TXLNB: variants seen among roughly 807,000 people sequenced by gnomAD.
TXLNB encodes taxilin beta.
Under a neutral mutation model 57.4 loss-of-function variants are expected in TXLNB, and 37 were observed. The observed-to-expected ratio is 0.64, with a 90% CI of 0.50 to 0.85. TXLNB has a LOEUF of 0.85. Ranked by LOEUF, TXLNB falls within the 40% of genes least tolerant of loss-of-function variation. The probability of loss-of-function intolerance (pLI) is 0.00; values close to 1 mark genes in which losing one functional copy is unlikely to be tolerated. For missense variants in TXLNB, 848 were observed against 825.6 expected, an observed-to-expected ratio of 1.03 and a Z score of -0.33; for synonymous variants, 302 against 309.6, an observed-to-expected ratio of 0.98 and a Z score of 0.26.
At chr6:139,175,645 T>G in the TXLNB span, among the ~76,000 whole-genome samples, 18,856 of 152,232 alleles carry the variant, frequency 0.12, 1,482 homozygotes, top group Non-Finnish European at 0.17. Flanking sequence ...ACCTCCTTAT[T>G]TCCTCATACA....
intron 4 of TXLNB, among the ~76,000 whole-genome samples, chr6:139,264,708 C>T (rs529040204): frequency 2.6e-5 from 4 of 152,180 alleles, no homozygotes; most frequent in Admixed American, 2.6e-4. Context: ...TACAGGCACG[C>T]ATCACCAAGC....
At chr6:139,188,843 C>G in the TXLNB span, among the ~76,000 whole-genome samples, 2 of 152,190 alleles carry the variant, frequency 1.3e-5, no homozygotes, top group Non-Finnish European at 2.9e-5. Context: ...CAACCTCCAC[C>G]TCCAGGGTTC....
chr6:139,197,162 T>C, the TXLNB span, among the ~76,000 whole-genome samples: 7 of 152,194 alleles, frequency 4.6e-5, no homozygotes, highest in South Asian at 2.1e-4. Flanking sequence ...CACACTCTTA[T>C]AGAGTTTTAC....
At chr6:139,256,659 C>T (rs865932757) in intron 6 of TXLNB, among the ~76,000 whole-genome samples, 6 of 152,250 alleles carry the variant, frequency 3.9e-5, no homozygotes, top group South Asian at 2.1e-4. Flanking sequence ...CATCCAGAAT[C>T]ATTCTCCTAG....
the TXLNB span, among the ~76,000 whole-genome samples, chr6:139,212,216 C>G: frequency 8.6e-5 from 13 of 151,920 alleles, no homozygotes; most frequent in African/African-American, 2.9e-4. Context: ...AAATGTTAAG[C>G]GCAGCCAGAG....
downstream of TXLNB, among the ~76,000 whole-genome samples, chr6:139,236,148 G>A (rs774583479): frequency 2.6e-5 from 4 of 152,056 alleles, no homozygotes; most frequent in Admixed American, 6.6e-5. Flanking sequence ...AATTTTTCTG[G>A]TACACTAAGG....
chr6:139,283,023 G>A (rs1333914453), intron 2 of TXLNB: 1 of 145,514 alleles, frequency 6.9e-6, no homozygotes, highest in Non-Finnish European at 1.5e-5. Context: ...ATGCGAGTAG[G>A]AGAACAAAGG....
At chr6:139,192,562 A>G in the TXLNB span, among the ~76,000 whole-genome samples, 39 of 152,306 alleles carry the variant, frequency 2.6e-4, no homozygotes, top group African/African-American at 9.1e-4. Context: ...GTCACATAGG[A>G]GATACTCAAG....
At chr6:139,174,627 G>A in the TXLNB span, 1 of 1,532,778 alleles carries the variant, frequency 6.5e-7, no homozygotes. Context: ...TGGCAATAAA[G>A]AAGAAATTCA....
At chr6:139,309,090 G>A in the TXLNB span, among the ~76,000 whole-genome samples, 1 of 152,180 alleles carries the variant, frequency 6.6e-6, no homozygotes, top group Non-Finnish European at 1.5e-5. Context: ...TTTGAATCTG[G>A]GCAGTTATGC....
the TXLNB span, among the ~76,000 whole-genome samples, chr6:139,301,478 A>C: frequency 1.3e-5 from 2 of 152,210 alleles, no homozygotes; most frequent in East Asian, 1.9e-4. Flanking sequence ...CTTCCTATGA[A>C]GTCCCCATAA....
chr6:139,222,035 T>A, the TXLNB span, among the ~76,000 whole-genome samples: 2 of 151,676 alleles, frequency 1.3e-5, no homozygotes, highest in Admixed American at 1.3e-4. Context: ...TCCAAAAAAA[T>A]TTAAAAAGAA....
intron 2 of TXLNB, among the ~76,000 whole-genome samples, chr6:139,279,148 G>A (rs1275629450): frequency 6.6e-6 from 1 of 152,238 alleles, no homozygotes; most frequent in Admixed American, 6.5e-5. Flanking sequence ...CTCAGTGTGT[G>A]TACCGACATG....
At chr6:139,207,946 C>A in the TXLNB span, among the ~76,000 whole-genome samples, 22 of 152,058 alleles carry the variant, frequency 1.4e-4, 1 homozygote, top group Middle Eastern at 6.4e-3. Context: ...CATGGTGGTG[C>A]GCACCTATAA....
chr6:139,257,289 C>G (rs1354326470), intron 6 of TXLNB, among the ~76,000 whole-genome samples: 6 of 152,118 alleles, frequency 3.9e-5, no homozygotes, highest in Non-Finnish European at 4.4e-5. Flanking sequence ...CACTTCCCCC[C>G]AGTCTTTTAT....
chr6:139,317,403 T>TG, the TXLNB span, among the ~76,000 whole-genome samples: 289 of 151,538 alleles, frequency 1.9e-3, 15 homozygotes, highest in South Asian at 0.056. Context: ...GACAGAGGTT[T>TG]TTTTTTTTTT....
chr6:139,246,053 C>A (rs1776059519), intron 8 of TXLNB, among the ~76,000 whole-genome samples: 1 of 150,252 alleles, frequency 6.7e-6, no homozygotes, highest in Non-Finnish European at 1.5e-5. Context: ...GCTATGGGAC[C>A]ACACTTCACA....
At position 139,242,671 on chromosome 6, in the gene TXLNB, G is replaced by A. The variant is rs1475647821; in HGVS notation, c.1910C>T (p.Ala637Val). Residue 637 changes from alanine (A) to valine (V), a missense_variant, in exon 10 of 10, where the codon GCA becomes GTA. Ala to Val is a moderately conservative substitution (Grantham distance 64). Coordinates refer to ENST00000358430, the MANE Select transcript of TXLNB (RefSeq NM_153235.4). ...EADVPAPACA[A>V]EEHVAAMVPA... The stretch of plus-strand genomic sequence containing the variant: ...CACCATGGCTGCAACGTGCTCTTCT[G>A]CTGCGCATGCTGGAGCAGGCACATC... The A allele has an allele frequency of 1.2e-6, 2 of 1,611,046 alleles. No homozygotes were observed. The highest frequency in any genetic ancestry group is 1.7e-6 in the Non-Finnish European group (2 of 1,178,824).
chr6:139,257,117 G>A (rs975393567), intron 6 of TXLNB, among the ~76,000 whole-genome samples: 7 of 152,052 alleles, frequency 4.6e-5, no homozygotes, highest in South Asian at 2.1e-4. Flanking sequence ...AGTTCAGAGG[G>A]TTTTTTGTTT....
Sources: allele counts gnomAD v4.1 joint callset (sites outside exome capture counted in the v4.1 genomes callset), GRCh38; gene constraint gnomAD v4.1.1; transcripts MANE v1.5; gene names NCBI Gene and HGNC (gene_info 2026-07-23, HGNC 2026-07-21).